The following CMC1 variants were observed in gnomAD, a reference collection of about 807,000 sequenced individuals.
CMC1 encodes the protein COX assembly mitochondrial protein homolog.
A neutral mutation model predicts 14.1 loss-of-function variants in CMC1; 14 were observed. That is an observed-to-expected ratio of 0.99 (90% CI 0.66 to 1.55). The LOEUF is 1.55. CMC1 is among the 40% of genes most tolerant of loss of function. The probability of loss-of-function intolerance (pLI) is 0.00; values close to 1 mark genes in which losing one functional copy is unlikely to be tolerated. For missense variants in CMC1, 127 were observed against 123.8 expected (o/e 1.03, Z -0.12); for synonymous variants, 50 against 38.4 (o/e 1.30, Z -1.12).
At chr3:28,297,321 G>A (rs998490440) in intron 2 of CMC1, among the ~76,000 whole-genome samples, 14 of 151,948 alleles carry the variant, frequency 9.2e-5, no homozygotes, top group African/African-American at 3.4e-4. Context: ...TAAACTTTTA[G>A]GTAAGGGCCC....
intron 2 of CMC1, among the ~76,000 whole-genome samples, chr3:28,274,220 C>CTTT (rs544985268): frequency 2.7e-5 from 3 of 112,328 alleles, no homozygotes; most frequent in Non-Finnish European, 1.7e-5. Flanking sequence ...TTGTTTTTTT[C>CTTT]TTTTTTTTTT....
chr3:28,312,720 ATT>A (rs567138466), intron 2 of CMC1, among the ~76,000 whole-genome samples: 296 of 152,302 alleles, frequency 1.9e-3, no homozygotes, highest in African/African-American at 6.7e-3. Flanking sequence ...CTTGTACTTA[ATT>A]ATATAGACTA....
At chr3:28,246,387 T>G (rs2125417204) in intron 1 of CMC1, among the ~76,000 whole-genome samples, 1 of 151,908 alleles carries the variant, frequency 6.6e-6, no homozygotes, top group South Asian at 2.1e-4. Context: ...TGGCAGTGGG[T>G]TGGGGGTTGG....
At chr3:28,283,714 A>G (rs773939861) in intron 2 of CMC1, among the ~76,000 whole-genome samples, 20 of 152,212 alleles carry the variant, frequency 1.3e-4, no homozygotes, top group Non-Finnish European at 2.8e-4. Context: ...ATATGCCTTT[A>G]TGGTGACGGA....
chr3:28,319,567 G>C lies in CMC1; in HGVS notation c.259G>C (p.Glu87Gln). The change falls in exon 4 of 4, where the codon GAA becomes CAA. Residue 87 changes from glutamate to glutamine, a missense_variant. By Grantham distance (29) the Glu-to-Gln change is conservative. Coordinates refer to ENST00000466830, the MANE Select transcript of CMC1 (RefSeq NM_182523.2). ...AATGGAATACCTGAAGGAAAGGGAA[G>C]AATTCAGAAAAACTGGAATTCCTAC... Reference protein sequence around the residue: ...CKMEYLKEREEFRKTGIPTKK... With the variant: ...CKMEYLKEREQFRKTGIPTKK... 1 of 1,608,948 alleles carries C rather than the reference G, an allele frequency of 6.2e-7. No individual in the cohort carries two copies. Among genetic ancestry groups the C allele is most frequent in the South Asian group, 1.1e-5 (1 of 90,756 alleles).
intron 2 of CMC1, among the ~76,000 whole-genome samples, chr3:28,309,684 A>G (rs1488451350): frequency 1.3e-5 from 2 of 152,056 alleles, no homozygotes; most frequent in Non-Finnish European, 2.9e-5. Context: ...TTCTGTGCAG[A>G]AGAAAACATG....
At chr3:28,289,792 T>A (rs1276766516) in intron 2 of CMC1, among the ~76,000 whole-genome samples, 2 of 152,168 alleles carry the variant, frequency 1.3e-5, no homozygotes, top group Non-Finnish European at 2.9e-5. Context: ...AAAAGGATAT[T>A]CAATTTATGT....
intron 2 of CMC1, among the ~76,000 whole-genome samples, chr3:28,279,827 T>G (rs1700782927): frequency 6.6e-6 from 1 of 152,136 alleles, no homozygotes; most frequent in South Asian, 2.1e-4. Flanking sequence ...TTCATGTAAA[T>G]GGAATGGCAT....
chr3:28,249,144 T>A (rs912313448), intron 1 of CMC1, among the ~76,000 whole-genome samples: 3 of 152,338 alleles, frequency 2.0e-5, no homozygotes, highest in Middle Eastern at 3.4e-3. Context: ...AAGAATGTGG[T>A]GTTTACCATC....
At chr3:28,285,956 G>A (rs1046107158) in intron 2 of CMC1, among the ~76,000 whole-genome samples, 2 of 151,948 alleles carry the variant, frequency 1.3e-5, no homozygotes, top group African/African-American at 4.8e-5. Context: ...TAGTAGAGAC[G>A]GGGTTTCACT....
chr3:28,271,268 T>G (rs779119338), intron 2 of CMC1, among the ~76,000 whole-genome samples: 1 of 152,142 alleles, frequency 6.6e-6, no homozygotes, highest in Admixed American at 6.5e-5. Flanking sequence ...ACCTGGCTAA[T>G]TTTTATGTTT....
At chr3:28,259,371 A>G (rs751991554) in intron 1 of CMC1, among the ~76,000 whole-genome samples, 2 of 152,158 alleles carry the variant, frequency 1.3e-5, no homozygotes, top group Non-Finnish European at 2.9e-5. Context: ...ATAAACATAT[A>G]TGCTATATCT....
At chr3:28,296,619 G>A (rs1167667254) in intron 2 of CMC1, among the ~76,000 whole-genome samples, 1 of 151,806 alleles carries the variant, frequency 6.6e-6, no homozygotes, top group African/African-American at 2.4e-5. Flanking sequence ...GAGATGAGCT[G>A]TGTCTTATTA....
At chr3:28,263,002 A>G (rs371931601) in intron 1 of CMC1, 1 of 269,912 alleles carries the variant, frequency 3.7e-6, no homozygotes, top group South Asian at 4.9e-5. Context: ...TTAGATGCCA[A>G]CTTTGACAAG....
chr3:28,247,456 G>A (rs1257932401), intron 1 of CMC1, among the ~76,000 whole-genome samples: 2 of 152,178 alleles, frequency 1.3e-5, no homozygotes, highest in African/African-American at 2.4e-5. Context: ...GTGCCTTGGA[G>A]GCAAGGGAGC....
intron 1 of CMC1, among the ~76,000 whole-genome samples, chr3:28,252,204 C>T (rs1391863801): frequency 6.6e-6 from 1 of 152,046 alleles, no homozygotes; most frequent in Admixed American, 6.6e-5. Context: ...AATCTGAGGT[C>T]CAAGAAATAG....
At chr3:28,263,113 TA>T (rs528810199) in intron 1 of CMC1, 177 bp from the exon 2 acceptor site, 245 of 540,506 alleles carry the variant, frequency 4.5e-4, no homozygotes, top group Middle Eastern at 3.1e-3. Flanking sequence ...TTGTTGTATA[TA>T]AAAAAACATT....
At chr3:28,243,611 G>C (rs60425255) in intron 1 of CMC1, among the ~76,000 whole-genome samples, 57,007 of 152,050 alleles carry the variant, frequency 0.37, 11,257 homozygotes, top group East Asian at 0.55. Context: ...TTAGAACCTA[G>C]GTAATTTCAT....
chr3:28,255,582 A>G (rs1431211521), intron 1 of CMC1, among the ~76,000 whole-genome samples: 1 of 152,076 alleles, frequency 6.6e-6, no homozygotes, highest in African/African-American at 2.4e-5. Flanking sequence ...AAGGAAAAAG[A>G]GAATGTGTAA....
Sources: allele counts gnomAD v4.1 joint callset (sites outside exome capture counted in the v4.1 genomes callset), GRCh38; gene constraint gnomAD v4.1.1; transcripts MANE v1.5; gene names NCBI Gene and HGNC (gene_info 2026-07-23, HGNC 2026-07-21).